The following DGKH variants were observed in gnomAD, a reference collection of about 807,000 sequenced individuals.
The protein encoded by DGKH is DAG kinase eta.
In DGKH, 90 loss-of-function variants were observed where a neutral mutation model predicts 159.3. That is an observed-to-expected ratio of 0.57 (90% CI 0.48 to 0.67). DGKH has a LOEUF of 0.67. DGKH is among the 30% of genes least tolerant of loss of function. The pLI, the probability that DGKH is intolerant of heterozygous loss-of-function variation, is 0.00. For missense variants in DGKH, 1,181 were observed against 1,506.1 expected, an observed-to-expected ratio of 0.78 and a Z score of 3.57; for synonymous variants, 536 against 553.8, an observed-to-expected ratio of 0.97 and a Z score of 0.45.
At chr13:42,179,350 A>G (rs1786382947) in intron 13 of DGKH, among the ~76,000 whole-genome samples, 1 of 152,276 alleles carries the variant, frequency 6.6e-6, no homozygotes, top group African/African-American at 2.4e-5. Flanking sequence ...TGCATCGAAT[A>G]GAAGACTGTA....
At chr13:42,069,559 C>T (rs763279274) in intron 1 of DGKH, 176 of 1,593,360 alleles carry the variant, frequency 1.1e-4, no homozygotes, top group Non-Finnish European at 1.1e-4. Flanking sequence ...AGCCAGTTGC[C>T]GTGATGCTTC....
At chr13:42,110,818 T>G (rs1003124077) in intron 1 of DGKH, among the ~76,000 whole-genome samples, 1 of 152,272 alleles carries the variant, frequency 6.6e-6, no homozygotes, top group African/African-American at 2.4e-5. Context: ...CTGGTATTTA[T>G]ACAGCATGTA....
rs1267393991 is a variant in DGKH at position 42,159,314 on chromosome 13, A to G, written c.671A>G (p.Asn224Ser). 1 of 1,580,220 alleles carries G rather than the reference A, an allele frequency of 6.3e-7. No individual in the cohort carries two copies. The highest frequency in any genetic ancestry group is 2.3e-5 in the East Asian group (1 of 43,000). The change falls in exon 6 of 30, where the codon AAC becomes AGC. Residue 224 changes from asparagine (N) to serine (S), a missense_variant. Around this residue, in one of 5 missense-constraint regions of DGKH, gnomAD observed 369 missense variants for 519.4 expected, o/e 0.71. Coordinates refer to ENST00000337343, the MANE Select transcript of DGKH (RefSeq NM_178009.5). The stretch of plus-strand genomic sequence containing the variant: ...AGATGTGCAGTGAGAGCAACAAATA[A>G]CTGTAAATGGACTACCCTGGCCTCC... The part of the protein sequence containing the change: ...HKRCAVRATN[N>S]CKWTTLASIG...
intron 1 of DGKH, among the ~76,000 whole-genome samples, chr13:42,123,505 C>T: frequency 6.6e-6 from 1 of 150,722 alleles, no homozygotes; most frequent in East Asian, 2.0e-4. Context: ...TCATCAAATT[C>T]AGGATCCTCT....
intron 1 of DGKH, among the ~76,000 whole-genome samples, chr13:42,105,166 A>T (rs1954723916): frequency 1.3e-5 from 2 of 152,142 alleles, no homozygotes; most frequent in South Asian, 4.1e-4. Context: ...AGAGGCTGGG[A>T]AGTCCAGTAT....
intron 1 of DGKH, among the ~76,000 whole-genome samples, chr13:42,084,177 CAT>C (rs1435612172): frequency 1.3e-5 from 2 of 152,170 alleles, no homozygotes; most frequent in Non-Finnish European, 2.9e-5. Flanking sequence ...GACATTTATA[CAT>C]ATATGTCTTG....
intron 29 of DGKH, among the ~76,000 whole-genome samples, chr13:42,248,402 G>C (rs1027016296): frequency 6.7e-6 from 1 of 149,756 alleles, no homozygotes; most frequent in Admixed American, 6.7e-5. Flanking sequence ...CTCCAGCCTG[G>C]GTAACAGAGC....
At chr13:42,179,997 A>G (rs569448504) in intron 13 of DGKH, among the ~76,000 whole-genome samples, 1 of 152,358 alleles carries the variant, frequency 6.6e-6, no homozygotes, top group African/African-American at 2.4e-5. Context: ...AAGTAAATAT[A>G]AAGGTTTTGC....
In DGKH at chr13:42,242,225, A is replaced by G. The variant is rs1028324878; in HGVS notation, c.*13037A>G. 1 of 152,270 alleles carries G rather than the reference A, an allele frequency of 6.6e-6. No individual in the cohort carries two copies. Among genetic ancestry groups the G allele is most frequent in the Non-Finnish European group, 1.5e-5 (1 of 68,040 alleles). The allele number at this position is 152,270 out of a possible 1,614,324, so 9.4% of individuals were successfully genotyped here. ...TTTATTATCATGTTGAAAACACAACAGTATAGTTCCTTTTGTCCCTTACAT... is the reference window on the plus strand; with the variant it reads ...TTTATTATCATGTTGAAAACACAACGGTATAGTTCCTTTTGTCCCTTACAT... On this transcript the variant is annotated 3_prime_UTR_variant, in exon 30 of 30. Transcript: ENST00000337343.
chr13:42,042,159 G>T (rs562618572), intron 1 of DGKH, among the ~76,000 whole-genome samples: 29 of 152,278 alleles, frequency 1.9e-4, no homozygotes, highest in African/African-American at 6.7e-4. Flanking sequence ...TTCCATTGTG[G>T]TTATCACAGG....
chr13:42,102,442 T>C (rs1456458286), intron 1 of DGKH, among the ~76,000 whole-genome samples: 1 of 152,186 alleles, frequency 6.6e-6, no homozygotes, highest in Non-Finnish European at 1.5e-5. Flanking sequence ...GCCTTGGCAG[T>C]GGAGGCTGGA....
intron 1 of DGKH, among the ~76,000 whole-genome samples, chr13:42,091,519 T>G (rs1045632316): frequency 5.3e-5 from 8 of 152,134 alleles, no homozygotes; most frequent in Non-Finnish European, 2.9e-5. Flanking sequence ...AGACATTTCT[T>G]CAAAGATATA....
intron 1 of DGKH, among the ~76,000 whole-genome samples, chr13:42,059,940 C>G (rs1882029562): frequency 6.9e-6 from 1 of 144,546 alleles, no homozygotes; most frequent in Admixed American, 7.3e-5. Context: ...GAGTCTCACT[C>G]TGTCATTCAG....
chr13:42,111,082 A>G (rs1030279389), intron 1 of DGKH, among the ~76,000 whole-genome samples: 22 of 152,350 alleles, frequency 1.4e-4, no homozygotes, highest in African/African-American at 5.3e-4. Context: ...AGAAAAATAC[A>G]TTCAGAAACT....
downstream of DGKH, among the ~76,000 whole-genome samples, chr13:42,243,387 A>G (rs1958550340): frequency 6.6e-6 from 1 of 152,144 alleles, no homozygotes; most frequent in South Asian, 2.1e-4. Context: ...TCTTGATTGT[A>G]AGAACATAAT....
intron 20 of DGKH, 99 bp from the exon 21 acceptor site, chr13:42,205,940 T>C (rs569541692): frequency 6.5e-5 from 37 of 570,264 alleles, no homozygotes; most frequent in Non-Finnish European, 1.0e-4. Context: ...CACACTGTGC[T>C]CCATTGTCCT....
At chr13:42,105,068 ACTGT>A (rs1954722143) in intron 1 of DGKH, among the ~76,000 whole-genome samples, 2 of 151,994 alleles carry the variant, frequency 1.3e-5, no homozygotes, top group African/African-American at 2.4e-5. Context: ...AACCTTTATG[ACTGT>A]CTTAGTCTGT....
chr13:42,150,636 T>C (rs2137929145), intron 3 of DGKH, among the ~76,000 whole-genome samples: 1 of 152,344 alleles, frequency 6.6e-6, no homozygotes, highest in Middle Eastern at 3.4e-3. Context: ...TAATTATTAG[T>C]TCTTTTGGTT....
At chr13:42,068,860 A>G (rs1882768724) in intron 1 of DGKH, 4 of 722,172 alleles carry the variant, frequency 5.5e-6, no homozygotes, top group Non-Finnish European at 6.3e-6. Context: ...GTAAAAAATG[A>G]CTTAAACTCT....
Sources: gnomAD v4.1 joint callset for allele counts (sites outside exome capture counted in the v4.1 genomes callset) on GRCh38, gnomAD v4.1.1 for gene constraint, gnomAD v4.1.1 regional missense constraint, MANE v1.5 for transcripts, NCBI Gene and HGNC (gene_info 2026-07-23, HGNC 2026-07-21) for gene names.